The following IGSF21 variants were observed in gnomAD, a reference collection of about 807,000 sequenced individuals.
IGSF21 encodes the protein immunoglobin superfamily member 21, also known as immunoglobulin superfamily member 21.
A neutral mutation model predicts 46.8 loss-of-function variants in IGSF21; 28 were observed. The observed-to-expected ratio is 0.60, with a 90% CI of 0.44 to 0.82. The LOEUF is 0.82. Ranked by LOEUF, IGSF21 falls within the 40% of genes least tolerant of loss-of-function variation. The probability of loss-of-function intolerance (pLI) is 0.00; values close to 1 mark genes in which losing one functional copy is unlikely to be tolerated. For missense variants in IGSF21, 624 were observed against 665.5 expected, an observed-to-expected ratio of 0.94 and a Z score of 0.69; for synonymous variants, 284 against 273.6, an observed-to-expected ratio of 1.04 and a Z score of -0.38.
At chr1:18,360,721 G>C (rs2086091210) in intron 4 of IGSF21, among the ~76,000 whole-genome samples, 1 of 152,144 alleles carries the variant, frequency 6.6e-6, no homozygotes, top group African/African-American at 2.4e-5. Flanking sequence ...ATTATGAGGA[G>C]GTTAGGGAAA....
intron 1 of IGSF21, among the ~76,000 whole-genome samples, chr1:18,127,413 A>G (rs780765180): frequency 2.1e-4 from 32 of 152,236 alleles, no homozygotes; most frequent in Non-Finnish European, 1.5e-4. Flanking sequence ...TATGGAAGTC[A>G]TGAGGAAAGA....
intron 1 of IGSF21, among the ~76,000 whole-genome samples, chr1:18,120,431 A>AT (rs2086225114): frequency 1.3e-5 from 2 of 152,328 alleles, no homozygotes; most frequent in African/African-American, 4.8e-5. Flanking sequence ...TTGAAAGCCC[A>AT]TACAGATCAG....
intron 6 of IGSF21, among the ~76,000 whole-genome samples, chr1:18,367,603 C>CTCTTTTTTTTT (rs1553167093): frequency 2.7e-5 from 2 of 73,954 alleles, no homozygotes; most frequent in East Asian, 3.9e-4. Flanking sequence ...CTCTCTCTCT[C>CTCTTTTTTTTT]TTTTTTTTTT....
intron 3 of IGSF21, among the ~76,000 whole-genome samples, chr1:18,310,450 T>G (rs944566990): frequency 3.3e-5 from 5 of 152,372 alleles, no homozygotes; most frequent in African/African-American, 1.2e-4. Flanking sequence ...CATTACTACG[T>G]AGTACTCCAC....
At chr1:18,110,246 G>C (rs2086130676) in intron 1 of IGSF21, 2 of 152,292 alleles carry the variant, frequency 1.3e-5, no homozygotes. Context: ...GGGGCGCAGA[G>C]GGAGATCCGA....
intron 3 of IGSF21, among the ~76,000 whole-genome samples, chr1:18,307,413 C>G (rs189316569): frequency 6.6e-5 from 10 of 152,204 alleles, no homozygotes; most frequent in African/African-American, 2.4e-4. Flanking sequence ...GCTCTAAGAA[C>G]TTTACACACA....
At chr1:18,315,173 C>T (rs973150270) in intron 3 of IGSF21, among the ~76,000 whole-genome samples, 1 of 152,256 alleles carries the variant, frequency 6.6e-6, no homozygotes, top group Admixed American at 6.5e-5. Flanking sequence ...CATCTCTGCT[C>T]TCCAGGGCAG....
At chr1:18,314,396 C>T (rs1418079874) in intron 3 of IGSF21, among the ~76,000 whole-genome samples, 6 of 152,016 alleles carry the variant, frequency 3.9e-5, no homozygotes, top group African/African-American at 1.2e-4. Flanking sequence ...ATTTGACTCA[C>T]TCCCCTGAGG....
rs1337387029 is a variant in IGSF21, at chr1:18,334,716, C to T, written c.306-176C>T. On this transcript the variant is annotated intron_variant, in intron 3 of 9. Coordinates refer to ENST00000251296, the MANE Select transcript of IGSF21 (RefSeq NM_032880.5). This position sits in a 1 kb window ranked among gnomAD's most constrained non-coding sequence, Gnocchi z 4.3. ...CACCTTCACTGTCTGAGATGCCGAG[C>T]ACAGGGTCTGCATACAGTCGGTGTT... 6.6e-6 allele frequency among the ~76,000 whole-genome samples: 1 copy of T among 152,182 alleles called. No individual in the cohort carries two copies.
chr1:18,278,401 T>A (rs2085124879), intron 2 of IGSF21, among the ~76,000 whole-genome samples: 1 of 151,442 alleles, frequency 6.6e-6, no homozygotes, highest in South Asian at 2.1e-4. Flanking sequence ...CCAACACACC[T>A]GGCTAATGTT....
chr1:18,369,790 C>T (rs797017064), intron 6 of IGSF21, among the ~76,000 whole-genome samples: 4 of 152,308 alleles, frequency 2.6e-5, no homozygotes, highest in African/African-American at 7.2e-5. Context: ...AGCTGAAATG[C>T]CACCCCTCCA....
At chr1:18,181,179 C>T (rs564127775) in intron 1 of IGSF21, among the ~76,000 whole-genome samples, 2 of 152,294 alleles carry the variant, frequency 1.3e-5, no homozygotes, top group South Asian at 2.1e-4. Flanking sequence ...GGTGGATCCT[C>T]GGTCGTGCGG....
At chr1:18,357,397 T>C (rs944741682) in intron 4 of IGSF21, among the ~76,000 whole-genome samples, 1 of 123,264 alleles carries the variant, frequency 8.1e-6, no homozygotes, top group African/African-American at 3.1e-5. Flanking sequence ...GGGATGAGGA[T>C]GAGGGTAGGG....
At chr1:18,108,256 C>T in intron 1 of IGSF21, 58 bp downstream of exon 1, 2 of 1,311,074 alleles carry the variant, frequency 1.5e-6, no homozygotes, top group Non-Finnish European at 1.9e-6. Flanking sequence ...GGACGGGGTG[C>T]CGGGGGAGGG....
At chr1:18,131,470 C>A (rs570946650) in intron 1 of IGSF21, among the ~76,000 whole-genome samples, 8 of 152,312 alleles carry the variant, frequency 5.3e-5, no homozygotes, top group Admixed American at 4.6e-4. Context: ...GATGTTATGA[C>A]AATTAATTGC....
At chr1:18,125,813 A>G (rs2086270412) in intron 1 of IGSF21, among the ~76,000 whole-genome samples, 1 of 152,220 alleles carries the variant, frequency 6.6e-6, no homozygotes, top group Non-Finnish European at 1.5e-5. Flanking sequence ...CAGAAGAGTA[A>G]TGGTGAAGTG....
At chr1:18,159,323 G>A (rs531312729) in intron 1 of IGSF21, among the ~76,000 whole-genome samples, 6 of 152,282 alleles carry the variant, frequency 3.9e-5, no homozygotes, top group Admixed American at 2.0e-4. Flanking sequence ...ACAGGGGGCC[G>A]AAGAAATGTT....
intron 1 of IGSF21, among the ~76,000 whole-genome samples, chr1:18,155,050 A>G (rs1279452356): frequency 6.6e-6 from 1 of 152,078 alleles, no homozygotes; most frequent in Non-Finnish European, 1.5e-5. Flanking sequence ...CAGCGCTACT[A>G]GATTCACACT....
chr1:18,313,708 C>T (rs528927970), intron 3 of IGSF21, among the ~76,000 whole-genome samples: 3 of 152,252 alleles, frequency 2.0e-5, no homozygotes, highest in Non-Finnish European at 2.9e-5. Context: ...AATATTGCTC[C>T]CATTTTACAG....
Sources: gnomAD v4.1 joint callset for allele counts (sites outside exome capture counted in the v4.1 genomes callset) on GRCh38, gnomAD v4.1.1 for gene constraint, Gnocchi (gnomAD v3.1) non-coding constraint, MANE v1.5 for transcripts, NCBI Gene and HGNC (gene_info 2026-07-23, HGNC 2026-07-21) for gene names.